Variants in TBC1D1 observed in about 807,000 individuals in gnomAD.
TBC1D1 encodes the protein TBC1 (tre-2/USP6, BUB2, cdc16) domain family, member 1.
A neutral mutation model predicts 125.6 loss-of-function variants in TBC1D1; 89 were observed. That is an observed-to-expected ratio of 0.71 (90% CI 0.60 to 0.85). The LOEUF (loss-of-function observed/expected upper bound fraction) is 0.85. Ranked by LOEUF, TBC1D1 falls within the 40% of genes least tolerant of loss-of-function variation. The pLI, the probability that TBC1D1 is intolerant of heterozygous loss-of-function variation, is 0.00. For missense variants in TBC1D1, 1,377 were observed against 1,469.2 expected (o/e 0.94, Z 1.03); for synonymous variants, 565 against 564.1 (o/e 1.00, Z -0.02).
intron 12 of TBC1D1, among the ~76,000 whole-genome samples, chr4:38,069,229 A>T (rs1251939647): frequency 6.6e-6 from 1 of 152,182 alleles, no homozygotes; most frequent in African/African-American, 2.4e-5. Flanking sequence ...TCCCCTTTCC[A>T]TTAAGCCATA....
chr4:38,038,630 C>T (rs985247927), intron 8 of TBC1D1, among the ~76,000 whole-genome samples: 1 of 152,150 alleles, frequency 6.6e-6, no homozygotes, highest in African/African-American at 2.4e-5. Flanking sequence ...ATTCAGGTAG[C>T]TCAAACCCCT....
At chr4:38,087,606 C>A (rs761677054) in intron 12 of TBC1D1, among the ~76,000 whole-genome samples, 4 of 151,898 alleles carry the variant, frequency 2.6e-5, no homozygotes, top group Non-Finnish European at 5.9e-5. Flanking sequence ...CTTTGGGAGG[C>A]CGAGGTGGGC....
At chr4:37,896,791 T>G (rs1486539760) in intron 1 of TBC1D1, among the ~76,000 whole-genome samples, 1 of 151,580 alleles carries the variant, frequency 6.6e-6, no homozygotes, top group Non-Finnish European at 1.5e-5. Context: ...TTAGGGAAAT[T>G]TCTAAATGGC....
At chr4:38,069,839 GCTTT>G (rs1375166631) in intron 12 of TBC1D1, among the ~76,000 whole-genome samples, 1 of 150,454 alleles carries the variant, frequency 6.6e-6, no homozygotes, top group African/African-American at 2.5e-5. Flanking sequence ...CCCGCGGCCT[GCTTT>G]CTTTCATTTT....
intron 6 of TBC1D1, among the ~76,000 whole-genome samples, chr4:38,025,553 C>A (rs1030943770): frequency 2.0e-5 from 3 of 152,236 alleles, no homozygotes; most frequent in Admixed American, 6.5e-5. Flanking sequence ...GAATAAGCTG[C>A]ATTTCGTGAT....
Position 38,084,400 on chromosome 4 carries a change from A to C in TBC1D1, c.2051-5532A>C, listed in dbSNP as rs184593250. ...GCAAATGAATCTGTTCATTCATTGA[A>C]TATTCCATGCATATCTGCTGTTTCC... On this transcript the variant is annotated intron_variant, in intron 12 of 19. Coordinates refer to ENST00000261439, the MANE Select transcript of TBC1D1 (RefSeq NM_015173.4). Among the ~76,000 whole-genome samples the C allele has an allele frequency of 4.6e-5, 7 of 152,374 alleles. No homozygotes were observed. In the East Asian group the frequency reaches 1.3e-3, roughly 29 times the overall value.
At chr4:38,091,962 CAT>C (rs1489098341) in intron 13 of TBC1D1, among the ~76,000 whole-genome samples, 2 of 152,206 alleles carry the variant, frequency 1.3e-5, no homozygotes, top group African/African-American at 4.8e-5. Flanking sequence ...TAAAGTTCCA[CAT>C]GTGTTTATCT....
At chr4:38,093,166 G>A (rs1456664195) in intron 13 of TBC1D1, among the ~76,000 whole-genome samples, 1 of 152,172 alleles carries the variant, frequency 6.6e-6, no homozygotes, top group East Asian at 1.9e-4. Flanking sequence ...CTTCTTGAAG[G>A]AAGGTTAAAT....
chr4:37,982,390 A>G (rs1734507309), intron 2 of TBC1D1, among the ~76,000 whole-genome samples: 1 of 152,166 alleles, frequency 6.6e-6, no homozygotes, highest in Non-Finnish European at 1.5e-5. Context: ...CTCATACTAC[A>G]TTTTATTAGT....
intron 12 of TBC1D1, among the ~76,000 whole-genome samples, chr4:38,074,996 T>C (rs1053113962): frequency 6.6e-6 from 1 of 152,164 alleles, no homozygotes; most frequent in Non-Finnish European, 1.5e-5. Context: ...CCTGACCTCG[T>C]CATCCGCCTG....
chr4:37,945,324 G>A (rs907758244), intron 2 of TBC1D1, among the ~76,000 whole-genome samples: 1 of 151,482 alleles, frequency 6.6e-6, no homozygotes, highest in Non-Finnish European at 1.5e-5. Flanking sequence ...GACCAGCCTG[G>A]CCAACATGGC....
At chr4:38,096,401 G>A (rs1759351691) in intron 14 of TBC1D1, among the ~76,000 whole-genome samples, 1 of 152,214 alleles carries the variant, frequency 6.6e-6, no homozygotes, top group African/African-American at 2.4e-5. Flanking sequence ...GAAACTAATT[G>A]TATGGCTTGT....
At chr4:37,893,740 C>T (rs78856400) in intron 1 of TBC1D1, among the ~76,000 whole-genome samples, 14,690 of 152,184 alleles carry the variant, frequency 0.097, 1,257 homozygotes, top group East Asian at 0.47. Context: ...ACAGGAGAAT[C>T]GCTTGAAGCC....
intron 2 of TBC1D1, among the ~76,000 whole-genome samples, chr4:37,983,121 CTTTTTTTTTTTT>C (rs71190937): frequency 8.6e-6 from 1 of 116,604 alleles, no homozygotes; most frequent in South Asian, 2.9e-4. Flanking sequence ...TCCCCAAACT[CTTTTTTTTTTTT>C]TTTTTTTTCA....
intron 2 of TBC1D1, among the ~76,000 whole-genome samples, chr4:37,926,856 C>G (rs904667274): frequency 6.6e-6 from 1 of 152,210 alleles, no homozygotes; most frequent in Non-Finnish European, 1.5e-5. Flanking sequence ...GTGGCTCACG[C>G]CTGTAATCCC....
intron 2 of TBC1D1, among the ~76,000 whole-genome samples, chr4:37,993,604 T>C (rs1737128707): frequency 6.6e-6 from 1 of 152,084 alleles, no homozygotes; most frequent in Non-Finnish European, 1.5e-5. Flanking sequence ...ATTTTTGAGA[T>C]GCAGTCTCGC....
chr4:37,971,389 T>C (rs1010744346), intron 2 of TBC1D1, among the ~76,000 whole-genome samples: 4 of 152,174 alleles, frequency 2.6e-5, no homozygotes, highest in Admixed American at 6.5e-5. Flanking sequence ...AAGTCACATC[T>C]TACACGGCAA....
At chr4:37,898,535 C>T (rs901646548) in intron 1 of TBC1D1, among the ~76,000 whole-genome samples, 3 of 152,190 alleles carry the variant, frequency 2.0e-5, no homozygotes, top group East Asian at 1.9e-4. Context: ...AGGGCAGACA[C>T]GCTTGCTTCC....
intron 18 of TBC1D1, among the ~76,000 whole-genome samples, chr4:38,127,120 G>A (rs1764785380): frequency 6.6e-6 from 1 of 151,328 alleles, no homozygotes; most frequent in African/African-American, 2.4e-5. Flanking sequence ...ATGTCACCTT[G>A]CTCCTGTCCC....
Sources: allele counts gnomAD v4.1 joint callset (sites outside exome capture counted in the v4.1 genomes callset), GRCh38; gene constraint gnomAD v4.1.1; transcripts MANE v1.5; gene names NCBI Gene and HGNC (gene_info 2026-07-23, HGNC 2026-07-21).